DNAI4: variants seen among roughly 807,000 people sequenced by gnomAD.
The protein encoded by DNAI4 is dynein axonemal intermediate chain 4, also known as WD repeat domain 78.
DNAI4 carries 85 observed loss-of-function variants against 105.8 expected under a neutral mutation model. That is an observed-to-expected ratio of 0.80 (90% CI 0.67 to 0.96). DNAI4 has a LOEUF of 0.96. DNAI4 is among the 40% of genes least tolerant of loss of function. The pLI, the probability that DNAI4 is intolerant of heterozygous loss-of-function variation, is 0.00. For missense variants in DNAI4, 1,014 were observed against 1,005.6 expected (o/e 1.01, Z -0.11); for synonymous variants, 352 against 331.5 (o/e 1.06, Z -0.67).
At chr1:66,869,327 A>G (rs1352699832) in intron 6 of DNAI4, among the ~76,000 whole-genome samples, 1 of 151,880 alleles carries the variant, frequency 6.6e-6, no homozygotes, top group East Asian at 1.9e-4. Flanking sequence ...GAGTGTTGAT[A>G]ATTTTGAGTT....
intron 3 of DNAI4, among the ~76,000 whole-genome samples, chr1:66,892,966 A>AGAGAAAGAGAAGAAAGAG (rs1217036517): frequency 7.7e-6 from 1 of 130,494 alleles, no homozygotes; most frequent in African/African-American, 3.4e-5. Flanking sequence ...AGAAAGAAAG[A>AGAGAAAGAGAAGAAAGAG]AAGAAAGAAA....
At chr1:66,892,264 T>A (rs931571146) in intron 3 of DNAI4, among the ~76,000 whole-genome samples, 1 of 152,092 alleles carries the variant, frequency 6.6e-6, no homozygotes, top group Admixed American at 6.5e-5. Flanking sequence ...TGCAGGCAAA[T>A]TCAGAGGCAA....
At chr1:66,875,814 T>G (rs1646948163) in intron 4 of DNAI4, among the ~76,000 whole-genome samples, 1 of 152,060 alleles carries the variant, frequency 6.6e-6, no homozygotes, top group South Asian at 2.1e-4. Context: ...AACAAGTTAT[T>G]AATTCCAAAA....
chr1:66,845,964 T>C (rs936259179), intron 8 of DNAI4, among the ~76,000 whole-genome samples: 1 of 152,114 alleles, frequency 6.6e-6, no homozygotes. Context: ...GTAACTCTGG[T>C]TTATACATTT....
At chr1:66,856,138 G>T (rs1646495296) in intron 7 of DNAI4, among the ~76,000 whole-genome samples, 1 of 150,020 alleles carries the variant, frequency 6.7e-6, no homozygotes, top group Non-Finnish European at 1.5e-5. Flanking sequence ...CCTGGCAAAA[G>T]ATACACTTGA....
intron 2 of DNAI4, among the ~76,000 whole-genome samples, chr1:66,899,648 C>T (rs1005555221): frequency 6.6e-6 from 1 of 152,114 alleles, no homozygotes; most frequent in African/African-American, 2.4e-5. Context: ...AATCCTATGC[C>T]AAATCCAAGG....
intron 1 of DNAI4, among the ~76,000 whole-genome samples, chr1:66,921,938 C>T (rs1490496756): frequency 1.3e-5 from 2 of 149,436 alleles, no homozygotes; most frequent in African/African-American, 2.5e-5. Flanking sequence ...ACTCTGTCGA[C>T]CAGGCTGGAG....
chr1:66,833,145 A>G (rs1171226089), intron 13 of DNAI4, among the ~76,000 whole-genome samples: 1 of 152,168 alleles, frequency 6.6e-6, no homozygotes, highest in Non-Finnish European at 1.5e-5. Flanking sequence ...AGTATAGCCA[A>G]CTAGAATGTA....
At chr1:66,899,878 G>C (rs1335022248) in intron 2 of DNAI4, among the ~76,000 whole-genome samples, 1 of 151,994 alleles carries the variant, frequency 6.6e-6, no homozygotes, top group Admixed American at 6.6e-5. Flanking sequence ...TAGGTAAATG[G>C]GTTTATTTCT....
intron 5 of DNAI4, 57 bp from the exon 6 acceptor site, chr1:66,871,566 T>C: frequency 1.4e-6 from 2 of 1,420,562 alleles, no homozygotes; most frequent in East Asian, 2.4e-5. Context: ...ACACGTATTA[T>C]CTCTTTATAT....
At position 66,891,230 on chromosome 1, in the gene DNAI4, A is replaced by G. The variant is rs768865472; in HGVS notation, c.567T>C (p.Ser189=). ...VLGSSTVSKS[S]VSASESIAED... is the part of the protein sequence containing the mutation. ...CTGCTATTGATTCACTTGCTGATACACTTGACTTAGAAACTGTACTGCTTC... is the reference window on the plus strand; with the variant it reads ...CTGCTATTGATTCACTTGCTGATACGCTTGACTTAGAAACTGTACTGCTTC... The change falls in exon 4 of 17, where the codon AGT becomes AGC. Residue 189 remains serine, a synonymous_variant. Transcript: ENST00000371026. The G allele has an allele frequency of 6.2e-7, 1 of 1,613,868 alleles. No homozygotes were observed.
At chr1:66,881,342 CT>C (rs1490971578) in intron 4 of DNAI4, among the ~76,000 whole-genome samples, 1 of 152,238 alleles carries the variant, frequency 6.6e-6, no homozygotes, top group Non-Finnish European at 1.5e-5. Flanking sequence ...GCCATAGACA[CT>C]CACTGCCAAC....
intron 5 of DNAI4, among the ~76,000 whole-genome samples, chr1:66,873,171 C>T (rs1646884912): frequency 6.6e-6 from 1 of 151,542 alleles, no homozygotes; most frequent in African/African-American, 2.4e-5. Context: ...TCTCCTTCTC[C>T]CTTTCCTTCT....
intron 16 of DNAI4, 138 bp downstream of exon 16, chr1:66,822,223 G>T: frequency 2.7e-6 from 2 of 743,304 alleles, no homozygotes; most frequent in Non-Finnish European, 2.0e-6. Context: ...ATGTATAGAA[G>T]TTAGCAACTC....
intron 9 of DNAI4, 43 bp downstream of exon 9, chr1:66,840,426 T>C (rs1437449744): frequency 6.4e-7 from 1 of 1,551,010 alleles, no homozygotes; most frequent in Non-Finnish European, 8.9e-7. Flanking sequence ...ATAATTTCCC[T>C]TCAATGCTAG....
At chr1:66,847,359 T>A in intron 8 of DNAI4, 125 bp downstream of exon 8, 1 of 854,078 alleles carries the variant, frequency 1.2e-6, no homozygotes, top group Non-Finnish European at 1.8e-6. Flanking sequence ...AGTGGCATGA[T>A]CATAGCTTGC....
At chr1:66,873,243 T>C (rs1447003367) in intron 5 of DNAI4, among the ~76,000 whole-genome samples, 1 of 150,534 alleles carries the variant, frequency 6.6e-6, no homozygotes, top group African/African-American at 2.4e-5. Context: ...TCTTCCTTTT[T>C]TTTTTTTTTA....
intron 15 of DNAI4, among the ~76,000 whole-genome samples, chr1:66,825,473 G>A (rs534222010): frequency 8.3e-4 from 127 of 152,246 alleles, no homozygotes; most frequent in African/African-American, 2.9e-3. Context: ...GAGCCACCGC[G>A]CACGGCCTAA....
chr1:66,828,735 G>A (rs753318964), intron 13 of DNAI4, among the ~76,000 whole-genome samples: 3 of 151,626 alleles, frequency 2.0e-5, no homozygotes, highest in Admixed American at 6.6e-5. Flanking sequence ...TACTGTCTTC[G>A]ATGAACATAA....
Sources: allele counts gnomAD v4.1 joint callset (sites outside exome capture counted in the v4.1 genomes callset), GRCh38; gene constraint gnomAD v4.1.1; transcripts MANE v1.5; gene names NCBI Gene and HGNC (gene_info 2026-07-23, HGNC 2026-07-21).